NPM3: variants seen among roughly 807,000 people sequenced by gnomAD.
NPM3 encodes nucleoplasmin-3.
A neutral mutation model predicts 18.1 loss-of-function variants in NPM3; 12 were observed. The ratio of observed to expected loss-of-function variants is 0.66; its 90% CI spans 0.42 to 1.07. The LOEUF (loss-of-function observed/expected upper bound fraction) is 1.07, where lower values mean the gene tolerates loss of function less well. Ranked by LOEUF, NPM3 falls within the 50% of genes least tolerant of loss-of-function variation. NPM3 has a pLI of 0.00. For missense variants in NPM3, 274 were observed against 232.1 expected, an observed-to-expected ratio of 1.18 and a Z score of -1.17; for synonymous variants, 116 against 93.7, an observed-to-expected ratio of 1.24 and a Z score of -1.38.
chr10:101,783,295 G>T, exon 1 of NPM3: 1 of 1,610,724 alleles, frequency 6.2e-7, no homozygotes, highest in South Asian at 1.1e-5. Flanking sequence ...TGTCCATAGT[G>T]ACCGGGGCCG....
In NPM3 at chr10:101,781,923, C is replaced by A. The variant is rs1173419638; in HGVS notation, c.419-69G>T. The A allele has an allele frequency of 3.1e-6, 5 of 1,613,466 alleles. No individual in the cohort carries two copies. The Admixed American group carries it at 6.7e-5, about 22-fold the overall frequency. ...GACCGTTTCACACCGCATGCCATTT[C>A]TTCACGCCGTGGTGTTAGGCTTACA... On this transcript the variant is annotated intron_variant, in intron 4 of 5. Transcript: ENST00000370110.
chr10:101,781,692 C>G, intron 5 of NPM3, 35 bp downstream of exon 5: 1 of 1,606,520 alleles, frequency 6.2e-7, no homozygotes, highest in Non-Finnish European at 8.5e-7. Context: ...CTGCCCCTTC[C>G]CAGAGCCTGC....
rs374753580 is a variant in NPM3 at position 101,782,819 on chromosome 10, C to T, written c.204+20G>A. The stretch of plus-strand genomic sequence containing the variant: ...CCTGCCTGGGCTTATTCATTAAAAC[C>T]CCACTCCCCTGCCCCTCACCATGGT... On this transcript the variant is annotated intron_variant, in intron 2 of 5. Coordinates refer to ENST00000370110, the Ensembl canonical transcript of NPM3. 232 of 1,612,804 alleles carry T rather than the reference C, an allele frequency of 1.4e-4. No homozygotes were observed. The highest frequency in any genetic ancestry group is 9.9e-4 in the Middle Eastern group (6 of 6,058).
exon 6 of NPM3, chr10:101,781,539 A>ACCC: frequency 7.6e-6 from 1 of 131,886 alleles, no homozygotes; most frequent in Non-Finnish European, 1.4e-5. Flanking sequence ...CCCAACCCCC[A>ACCC]CCCAAGCTCT....
chr10:101,781,539 A>AC, exon 6 of NPM3: 2 of 131,886 alleles, frequency 1.5e-5, no homozygotes, highest in South Asian at 6.3e-5. Context: ...CCCAACCCCC[A>AC]CCCAAGCTCT....
exon 5 of NPM3, chr10:101,781,749 C>T: frequency 6.2e-7 from 1 of 1,614,132 alleles, no homozygotes; most frequent in Non-Finnish European, 8.5e-7. Flanking sequence ...GGGCCTGCCC[C>T]CCTGCTTTTT....
chr10:101,782,163 G>A, intron 4 of NPM3, 95 bp downstream of exon 4: 3 of 1,131,248 alleles, frequency 2.7e-6, no homozygotes, highest in Non-Finnish European at 3.9e-6. Flanking sequence ...GCTGCACTGG[G>A]AGATGAGGGT....
Position 101,782,595 on chromosome 10 carries a change from G to A in NPM3, c.207C>T (p.Leu69=), listed in dbSNP as rs529646776. ...CGTCTTTGGCTCCCTCGGTGAGGCAGAGCTGGGAACGGTACACAGGGCCTC... is the reference window on the plus strand; with the variant it reads ...CGTCTTTGGCTCCCTCGGTGAGGCAAAGCTGGGAACGGTACACAGGGCCTC... Residue 69 remains leucine, a splice_region_variant and synonymous_variant, in exon 3 of 6, where the codon CTC becomes CTT. Coordinates refer to ENST00000370110, the Ensembl canonical transcript of NPM3. The A allele has an allele frequency of 8.6e-4, 1,384 of 1,613,864 alleles. 16 individuals are homozygous for A. In the South Asian group the frequency reaches 0.014, roughly 16 times the overall value.
exon 2 of NPM3, chr10:101,782,858 T>C: frequency 6.2e-7 from 1 of 1,614,180 alleles, no homozygotes; most frequent in Non-Finnish European, 8.5e-7. Context: ...TGCCAGCACG[T>C]GCTCCGCATC....
Position 101,782,348 on chromosome 10 carries a change from TG to T in NPM3, c.327del (p.Ser110ValfsTer11), listed in dbSNP as rs1284282229. 5 of 1,613,618 alleles carry T rather than the reference TG, an allele frequency of 3.1e-6. No homozygotes were observed. The highest frequency in any genetic ancestry group is 4.2e-6 in the Non-Finnish European group (5 of 1,179,866). ...GGTTGGAGCTGGAAGTCATCCAGAC[TG>T]AGCTGGGAGGAAGACAAGGATGAAG... On this transcript the variant is annotated frameshift_variant and splice_region_variant, in exon 4 of 6. Transcript: ENST00000370110. LOFTEE classifies it high-confidence loss of function.
At chr10:101,782,276 T>A (rs748757895) in exon 4 of NPM3, 1 of 1,613,806 alleles carries the variant, frequency 6.2e-7, no homozygotes, top group Non-Finnish European at 8.5e-7. Context: ...TGCCGCCCAG[T>A]GATCCGCACA....
At chr10:101,783,233 C>T in intron 1 of NPM3, 40 bp downstream of exon 1, 1 of 1,427,594 alleles carries the variant, frequency 7.0e-7, no homozygotes, top group Non-Finnish European at 9.7e-7. Context: ...CTACCTCTTA[C>T]CGCCCCAGTA....
exon 6 of NPM3, chr10:101,781,441 G>A (rs1216178698): frequency 2.3e-6 from 1 of 428,074 alleles, no homozygotes; most frequent in South Asian, 4.0e-5. Context: ...AGGTGGGAAG[G>A]GAGGCCCCGG....
exon 2 of NPM3, chr10:101,782,874 C>T: frequency 1.2e-6 from 2 of 1,614,232 alleles, no homozygotes; most frequent in African/African-American, 1.3e-5. Context: ...GCATCATCCT[C>T]TTCCTCTACC....
At chr10:101,781,820 G>C (rs185085854) in exon 5 of NPM3, 3 of 1,613,928 alleles carry the variant, frequency 1.9e-6, no homozygotes, top group Non-Finnish European at 2.5e-6. Context: ...CCTCTTCCTC[G>C]CTCTCCTCCT....
chr10:101,782,394 C>T (rs746744168), intron 3 of NPM3, 43 bp from the exon 4 acceptor site: 1 of 1,607,138 alleles, frequency 6.2e-7, no homozygotes, highest in Non-Finnish European at 8.5e-7. Flanking sequence ...ACTCCTAGCC[C>T]ACCCCACACT....
chr10:101,782,665 A>G, intron 2 of NPM3, 68 bp from the exon 3 acceptor site: 1 of 1,605,508 alleles, frequency 6.2e-7, no homozygotes, highest in Non-Finnish European at 8.5e-7. Flanking sequence ...AAAGGCATCT[A>G]CCCTAGCACC....
At chr10:101,782,342 C>A (rs370768734) in exon 4 of NPM3, 1 of 1,613,812 alleles carries the variant, frequency 6.2e-7, no homozygotes, top group South Asian at 1.1e-5. Flanking sequence ...TGGAAGTCAT[C>A]CAGACTGAGC....
exon 2 of NPM3, chr10:101,782,876 TCCTCTA>T (rs775354875): frequency 6.2e-6 from 10 of 1,614,196 alleles, no homozygotes; most frequent in Non-Finnish European, 8.5e-6. Flanking sequence ...ATCATCCTCT[TCCTCTA>T]CCTTAAAGGT....
Sources: gnomAD v4.1 joint callset for allele counts on GRCh38, gnomAD v4.1.1 for gene constraint, MANE v1.5 for transcripts, NCBI Gene and HGNC (gene_info 2026-07-23, HGNC 2026-07-21) for gene names.